The following RARB variants were observed in gnomAD, a reference collection of about 807,000 sequenced individuals.
The protein encoded by RARB is HBV-activated protein.
Under a neutral mutation model 51.9 loss-of-function variants are expected in RARB, and 17 were observed. That is an observed-to-expected ratio of 0.33 (90% confidence interval 0.22 to 0.49). RARB has a LOEUF of 0.49. Ranked by LOEUF, RARB falls within the 20% of genes least tolerant of loss-of-function variation. RARB has a pLI of 0.99. For missense variants in RARB, 369 were observed against 550.8 expected, an observed-to-expected ratio of 0.67 and a Z score of 3.30; for synonymous variants, 215 against 195.4, an observed-to-expected ratio of 1.10 and a Z score of -0.84.
At chr3:24,859,434 C>T (rs917647587) in intron 2 of RARB, among the ~76,000 whole-genome samples, 5 of 152,124 alleles carry the variant, frequency 3.3e-5, no homozygotes, top group Admixed American at 3.3e-4. Context: ...CATTAGAATG[C>T]CTTCAGGTGC....
chr3:24,926,010 T>A (rs1452892016), intron 2 of RARB, among the ~76,000 whole-genome samples: 1 of 152,124 alleles, frequency 6.6e-6, no homozygotes, highest in Non-Finnish European at 1.5e-5. Context: ...ACACAGTAGG[T>A]GATCTGAGAA....
intron 2 of RARB, among the ~76,000 whole-genome samples, chr3:24,912,829 G>A (rs13067108): frequency 0.49 from 74,665 of 151,764 alleles, 18,788 homozygotes; most frequent in East Asian, 0.6. Flanking sequence ...GTGTATAAGA[G>A]AAATGTTTTT....
Position 25,558,968 on chromosome 3 carries a change from T to G in RARB, c.449-10790T>G, listed in dbSNP as rs758503896. ...CCCCATCAATCCCTGTCTCCACATT[T>G]TTCTTCAGTGACACCAGCCACTCCA... is the stretch of plus-strand genomic sequence containing the variant. On this transcript the variant is annotated intron_variant, in intron 3 of 7. Coordinates refer to ENST00000330688, the MANE Select transcript of RARB (RefSeq NM_000965.5). 8.5e-5 allele frequency among the ~76,000 whole-genome samples: 13 copies of G among 152,154 alleles called. 1 individual carries two copies. The highest frequency in any genetic ancestry group is 6.2e-4 in the South Asian group (3 of 4,836).
intron 5 of RARB, among the ~76,000 whole-genome samples, chr3:25,236,023 C>T (rs35097065): frequency 0.048 from 7,243 of 152,150 alleles, 223 homozygotes; most frequent in Non-Finnish European, 0.07. Flanking sequence ...AAAAATAGTA[C>T]ATGTGAGTTA....
chr3:25,099,660 C>G (rs1285611415), intron 3 of RARB, among the ~76,000 whole-genome samples: 1 of 150,408 alleles, frequency 6.6e-6, no homozygotes, highest in Non-Finnish European at 1.5e-5. Flanking sequence ...TAGAAGATGC[C>G]CAAACATTTG....
chr3:25,286,335 G>A (rs1054961860), intron 5 of RARB, among the ~76,000 whole-genome samples: 89 of 152,152 alleles, frequency 5.8e-4, no homozygotes, highest in African/African-American at 2.0e-3. Context: ...TGATCCACCC[G>A]CCTTGGCCTC....
intron 5 of RARB, among the ~76,000 whole-genome samples, chr3:25,213,385 A>G (rs1290347147): frequency 6.6e-6 from 1 of 151,868 alleles, no homozygotes; most frequent in Non-Finnish European, 1.5e-5. Context: ...ATATTGTCCT[A>G]TGTAGCTATG....
At chr3:25,386,922 C>T (rs1350251344) in intron 5 of RARB, among the ~76,000 whole-genome samples, 2 of 152,196 alleles carry the variant, frequency 1.3e-5, no homozygotes, top group African/African-American at 2.4e-5. Context: ...AAATTTCATT[C>T]TGTGGGCGTA....
intron 5 of RARB, among the ~76,000 whole-genome samples, chr3:25,291,999 C>G (rs1171294593): frequency 2.6e-5 from 4 of 151,982 alleles, no homozygotes; most frequent in African/African-American, 4.8e-5. Flanking sequence ...CAATTTAATA[C>G]AACGTTGTTT....
chr3:25,231,926 AT>A lies in RARB; in HGVS notation c.178+57360del, dbSNP rs540111805. 4.8e-3 allele frequency among the ~76,000 whole-genome samples: 730 copies of A among 151,434 alleles called. 8 individuals carry two copies. Among genetic ancestry groups the A allele is most frequent in the Middle Eastern group, 6.8e-3 (2 of 292 alleles). On this transcript the variant is annotated intron_variant, in intron 5 of 11. Transcript: ENST00000383772. ...TCCTAATTTTGATGAAACTCAATAT[AT>A]TTTTTTTTCTTTCGGTATCGTGTCT...
chr3:25,496,115 G>C (rs144399620), intron 2 of RARB, among the ~76,000 whole-genome samples: 1 of 152,090 alleles, frequency 6.6e-6, no homozygotes, highest in Non-Finnish European at 1.5e-5. Context: ...AATCCAAGAC[G>C]GTTACTATGG....
At chr3:25,209,487 C>T (rs1002258445) in intron 5 of RARB, among the ~76,000 whole-genome samples, 1 of 152,128 alleles carries the variant, frequency 6.6e-6, no homozygotes, top group African/African-American at 2.4e-5. Context: ...CAAAGATTTG[C>T]CAAAGTCAAT....
At chr3:25,504,988 A>G (rs1338870180) in intron 3 of RARB, among the ~76,000 whole-genome samples, 1 of 152,138 alleles carries the variant, frequency 6.6e-6, no homozygotes, top group Non-Finnish European at 1.5e-5. Context: ...CATGTTGGCC[A>G]GGCTGGTCTT....
intron 2 of RARB, among the ~76,000 whole-genome samples, chr3:25,471,029 AGATAT>A (rs1352911324): frequency 1.3e-5 from 2 of 152,224 alleles, no homozygotes; most frequent in Non-Finnish European, 2.9e-5. Context: ...ACGCATAATA[AGATAT>A]AATTGTATAA....
chr3:25,195,399 G>A (rs1701208454), intron 5 of RARB, among the ~76,000 whole-genome samples: 1 of 151,972 alleles, frequency 6.6e-6, no homozygotes, highest in Non-Finnish European at 1.5e-5. Flanking sequence ...GATTTGGTTG[G>A]TTAATTTCAG....
intron 2 of RARB, among the ~76,000 whole-genome samples, chr3:24,876,424 A>G (rs1575048566): frequency 6.6e-6 from 1 of 152,118 alleles, no homozygotes; most frequent in East Asian, 1.9e-4. Context: ...TTTAATGCAA[A>G]TATTATTATG....
chr3:25,226,255 G>A (rs1702053644), intron 5 of RARB, among the ~76,000 whole-genome samples: 1 of 152,110 alleles, frequency 6.6e-6, no homozygotes, highest in Non-Finnish European at 1.5e-5. Flanking sequence ...CAATATTACA[G>A]TATTGAAGTT....
intron 2 of RARB, among the ~76,000 whole-genome samples, chr3:25,495,833 A>C (rs1379908426): frequency 1.3e-5 from 2 of 152,346 alleles, no homozygotes; most frequent in East Asian, 1.9e-4. Context: ...GTCATAATTA[A>C]CCAACAAGAA....
Position 24,990,595 on chromosome 3 carries a change from A to T in RARB, c.-379-69530A>T. ...TCTCATAAGCCAAGCTTAAATGAAT[A>T]CATAGTTTTATTCTGCAACCTACAT... On this transcript the variant is annotated intron_variant, in intron 2 of 11. Coordinates refer to the RARB transcript ENST00000383772. Among the ~76,000 whole-genome samples the T allele has an allele frequency of 1.8e-5, 2 of 108,546 alleles. 1 individual carries two copies. The highest frequency in any genetic ancestry group is 3.7e-5 in the Non-Finnish European group (2 of 53,516). The allele number at this position is 108,546 out of a possible 152,430, so 71.2% of individuals were successfully genotyped here.
Sources: gnomAD v4.1 joint callset for allele counts (sites outside exome capture counted in the v4.1 genomes callset) on GRCh38, gnomAD v4.1.1 for gene constraint, MANE v1.5 for transcripts, NCBI Gene and HGNC (gene_info 2026-07-23, HGNC 2026-07-21) for gene names.